The following ATP11B variants were observed in gnomAD, a reference collection of about 807,000 sequenced individuals.
ATP11B encodes ATPase phospholipid transporting 11B (putative).
ATP11B carries 81 observed loss-of-function variants against 157.8 expected under a neutral mutation model. The ratio of observed to expected loss-of-function variants is 0.51; its 90% CI spans 0.43 to 0.62. The LOEUF is 0.62. Ranked by LOEUF, ATP11B falls within the 20% of genes least tolerant of loss-of-function variation. The probability of loss-of-function intolerance (pLI) is 0.00; values close to 1 mark genes in which losing one functional copy is unlikely to be tolerated. For missense variants in ATP11B, 1,165 were observed against 1,402.2 expected (o/e 0.83, Z 2.70); for synonymous variants, 451 against 469.4 (o/e 0.96, Z 0.51).
chr3:182,857,982 A>T lies in ATP11B; in HGVS notation c.956A>T (p.Glu319Val). 2 of 1,612,868 alleles carry T rather than the reference A, an allele frequency of 1.2e-6. No individual in the cohort carries two copies. The highest frequency in any genetic ancestry group is 1.7e-6 in the Non-Finnish European group (2 of 1,179,058). Reference sequence around the variant, plus strand: ...TGGCAAGCTGAAGAAAAATGGGATGAACCTTGGTATAACCAAAAAACAGAA... The same window carrying T: ...TGGCAAGCTGAAGAAAAATGGGATGTACCTTGGTATAACCAAAAAACAGAA... The part of the protein sequence containing the change: ...YTWQAEEKWD[E>V]PWYNQKTEHQ... The change falls in exon 11 of 30, where the codon GAA (glutamate) becomes GTA (valine). Residue 319 changes from glutamate to valine, a missense_variant. Glu to Val is a moderately radical substitution (Grantham distance 121). Coordinates refer to ENST00000323116, the MANE Select transcript of ATP11B (RefSeq NM_014616.3).
chr3:182,857,773 C>A (rs1396479901), intron 10 of ATP11B, 105 bp from the exon 11 acceptor site: 7 of 636,328 alleles, frequency 1.1e-5, no homozygotes, highest in Non-Finnish European at 1.9e-5. Flanking sequence ...TACAGTAATA[C>A]CCTCTATGTT....
At chr3:182,866,928 TA>T (rs975961905) in intron 14 of ATP11B, among the ~76,000 whole-genome samples, 22 of 145,962 alleles carry the variant, frequency 1.5e-4, no homozygotes, top group African/African-American at 5.3e-4. Flanking sequence ...AAAATATATA[TA>T]TATTTTTTTT....
Position 182,920,425 on chromosome 3 carries a change from A to G in ATP11B, c.*2321A>G, listed in dbSNP as rs763695068. ...GTCTGCAAGCTTTCAGTAGTTTTCTAGTGCTATATTCATCCTGTAAAACTC... is the reference window on the plus strand; with the variant it reads ...GTCTGCAAGCTTTCAGTAGTTTTCTGGTGCTATATTCATCCTGTAAAACTC... On this transcript the variant is annotated 3_prime_UTR_variant, in exon 30 of 30. Transcript: ENST00000323116. The G allele has an allele frequency of 3.3e-5, 5 of 152,204 alleles. No individual in the cohort carries two copies. Among genetic ancestry groups the G allele is most frequent in the Non-Finnish European group, 5.9e-5 (4 of 68,030 alleles). 9.4% of individuals were successfully genotyped at this position (152,204 alleles called of 1,614,324 possible). A position where few individuals can be genotyped will look rare whatever the true frequency, so the allele number is the denominator to read the frequency against.
At chr3:182,859,045 C>T (rs1272276634) in intron 11 of ATP11B, 117 bp from the exon 12 acceptor site, 66 of 609,872 alleles carry the variant, frequency 1.1e-4, no homozygotes, top group Non-Finnish European at 1.6e-4. Flanking sequence ...ACTATTCTAC[C>T]TCAGAATATA....
intron 1 of ATP11B, among the ~76,000 whole-genome samples, chr3:182,802,381 C>G (rs1261360073): frequency 1.3e-5 from 2 of 152,118 alleles, no homozygotes; most frequent in African/African-American, 4.8e-5. Context: ...AGTGCTTGCT[C>G]TTTTGTTCAG....
At chr3:182,800,151 C>G (rs539736837) in intron 1 of ATP11B, among the ~76,000 whole-genome samples, 2 of 151,854 alleles carry the variant, frequency 1.3e-5, no homozygotes, top group Non-Finnish European at 1.5e-5. Flanking sequence ...CAAAAACATT[C>G]TTGATTGGAT....
intron 12 of ATP11B, among the ~76,000 whole-genome samples, 170 bp from the exon 13 acceptor site, chr3:182,865,286 T>G (rs1435104289): frequency 6.6e-6 from 1 of 152,228 alleles, no homozygotes; most frequent in Non-Finnish European, 1.5e-5. Context: ...TTTCTTTCCT[T>G]GGCATCTATA....
At chr3:182,814,086 G>A (rs1054980888) in intron 1 of ATP11B, among the ~76,000 whole-genome samples, 3 of 151,614 alleles carry the variant, frequency 2.0e-5, no homozygotes, top group Non-Finnish European at 4.4e-5. Flanking sequence ...ATTTTGAGAC[G>A]AGTTTTGCTC....
At chr3:182,898,285 A>G (rs1723701914) in intron 27 of ATP11B, among the ~76,000 whole-genome samples, 2 of 152,146 alleles carry the variant, frequency 1.3e-5, no homozygotes, top group South Asian at 2.1e-4. Context: ...TCGGCCTTCT[A>G]AAATATTTTA....
In ATP11B at chr3:182,828,269, A is replaced by G. The variant is rs1264590737; in HGVS notation, c.234+60A>G. ...ATAGTTTCTAAAAATATGTCTTGGA[A>G]CAAAGAAAAATTACATTGTGTTGCT... On this transcript the variant is annotated intron_variant, in intron 3 of 29. Coordinates refer to ENST00000323116, the MANE Select transcript of ATP11B (RefSeq NM_014616.3). 4.8e-6 allele frequency: 4 copies of G among 832,570 alleles called. No homozygotes were observed. The African/African-American group carries it at 7.0e-5, about 15-fold the overall frequency. 51.6% of individuals were successfully genotyped at this position (832,570 alleles called of 1,614,324 possible).
intron 28 of ATP11B, among the ~76,000 whole-genome samples, chr3:182,899,265 C>T (rs982943868): frequency 4.0e-5 from 6 of 151,026 alleles, no homozygotes; most frequent in African/African-American, 1.2e-4. Context: ...AAGCAATTCT[C>T]CTCTCTCAGC....
intron 29 of ATP11B, chr3:182,916,230 T>G: frequency 1.0e-6 from 1 of 985,298 alleles, no homozygotes; most frequent in Non-Finnish European, 1.2e-6. Context: ...GACTTTAGAG[T>G]AGCATCTATT....
intron 1 of ATP11B, among the ~76,000 whole-genome samples, chr3:182,796,630 A>G (rs192882389): frequency 1.9e-4 from 29 of 152,354 alleles, no homozygotes; most frequent in Non-Finnish European, 3.8e-4. Flanking sequence ...ATGTAATACT[A>G]CATTTTTAAA....
intron 1 of ATP11B, among the ~76,000 whole-genome samples, chr3:182,812,290 C>A (rs1449966049): frequency 6.6e-6 from 1 of 152,120 alleles, no homozygotes; most frequent in Admixed American, 6.5e-5. Flanking sequence ...ATTTTCATTG[C>A]CAGTTTTGTT....
At chr3:182,916,649 A>G in intron 29 of ATP11B, 9 of 983,698 alleles carry the variant, frequency 9.1e-6, no homozygotes, top group South Asian at 4.7e-5. Flanking sequence ...AGAAAGTAAT[A>G]TGTAGTTCAA....
At chr3:182,915,220 T>C (rs752957075) in intron 29 of ATP11B, 12 of 985,392 alleles carry the variant, frequency 1.2e-5, no homozygotes, top group Non-Finnish European at 1.3e-5. Context: ...TATGATACAA[T>C]TGAATTTATA....
intron 26 of ATP11B, 84 bp from the exon 27 acceptor site, chr3:182,897,219 A>G (rs1723613229): frequency 1.4e-6 from 1 of 731,076 alleles, no homozygotes; most frequent in Non-Finnish European, 2.2e-6. Context: ...TTAGATACTT[A>G]TGTTTATTCT....
intron 11 of ATP11B, among the ~76,000 whole-genome samples, chr3:182,858,780 A>G (rs1252206714): frequency 1.3e-5 from 2 of 152,116 alleles, no homozygotes; most frequent in Non-Finnish European, 2.9e-5. Context: ...GTTACACTCA[A>G]CTTTTAGTAG....
chr3:182,889,285 A>G (rs1723010853), intron 24 of ATP11B, 125 bp from the exon 25 acceptor site: 11 of 677,056 alleles, frequency 1.6e-5, no homozygotes, highest in Non-Finnish European at 6.8e-6. Flanking sequence ...TCTTTGTGCT[A>G]ATATTTTCAA....
Sources: allele counts gnomAD v4.1 joint callset (sites outside exome capture counted in the v4.1 genomes callset), GRCh38; gene constraint gnomAD v4.1.1; transcripts MANE v1.5; gene names NCBI Gene and HGNC (gene_info 2026-07-23, HGNC 2026-07-21).